The following UBASH3B variants were observed in gnomAD, a reference collection of about 807,000 sequenced individuals.
UBASH3B encodes ubiquitin associated and SH3 domain containing B.
Under a neutral mutation model 83.4 loss-of-function variants are expected in UBASH3B, and 37 were observed. The ratio of observed to expected loss-of-function variants is 0.44; its 90% CI spans 0.34 to 0.58. UBASH3B has a LOEUF of 0.58. UBASH3B is among the 20% of genes least tolerant of loss of function. UBASH3B has a pLI of 0.01. For synonymous variants in UBASH3B, 304 were observed against 318.3 expected, an observed-to-expected ratio of 0.96 and a Z score of 0.48; for missense variants, 657 against 827.2, an observed-to-expected ratio of 0.79 and a Z score of 2.52.
chr11:122,803,201 A>G (rs1048163591), intron 11 of UBASH3B, among the ~76,000 whole-genome samples: 1 of 152,194 alleles, frequency 6.6e-6, no homozygotes, highest in Admixed American at 6.5e-5. Context: ...TGAAGCCTCT[A>G]ATTTGAAAAA....
At chr11:122,751,485 C>T (rs377598833) in intron 1 of UBASH3B, among the ~76,000 whole-genome samples, 53 of 152,276 alleles carry the variant, frequency 3.5e-4, no homozygotes, top group South Asian at 8.3e-4. Flanking sequence ...GGCCAGCAGC[C>T]GGCTTCAGGG....
rs147102786 is a variant in UBASH3B at position 122,665,496 on chromosome 11, G to T, written c.161+9286G>T. On this transcript the variant is annotated intron_variant, in intron 1 of 13. Coordinates refer to ENST00000284273, the MANE Select transcript of UBASH3B (RefSeq NM_032873.5). ...GGCATGAGCCCCTGCGCCCAGCCTG[G>T]ACCAGTGTTTTTGGACAGCACGAGG... Among the ~76,000 whole-genome samples, 210 of 152,266 alleles carry T rather than the reference G, an allele frequency of 1.4e-3. 2 individuals carry two copies. The highest frequency in any genetic ancestry group is 9.8e-3 in the East Asian group (51 of 5,182).
chr11:122,690,199 T>TCTCCA (rs1374049597), intron 1 of UBASH3B, among the ~76,000 whole-genome samples: 3 of 28,508 alleles, frequency 1.1e-4, no homozygotes, highest in Non-Finnish European at 2.1e-4. Flanking sequence ...TATATATATA[T>TCTCCA]ATATATATAT....
chr11:122,714,043 G>A (rs1187298035), intron 1 of UBASH3B, among the ~76,000 whole-genome samples: 4 of 152,178 alleles, frequency 2.6e-5, no homozygotes, highest in East Asian at 1.9e-4. Flanking sequence ...GACACTTGCC[G>A]TGACCCCTCC....
chr11:122,809,558 C>T (rs1177545641), intron 13 of UBASH3B, among the ~76,000 whole-genome samples, 191 bp from the exon 14 acceptor site: 2 of 152,162 alleles, frequency 1.3e-5, no homozygotes, highest in African/African-American at 4.8e-5. Context: ...AATGTAAATA[C>T]TCTTCTAAGT....
chr11:122,735,488 T>C (rs1271118461), intron 1 of UBASH3B, among the ~76,000 whole-genome samples: 1 of 152,198 alleles, frequency 6.6e-6, no homozygotes, highest in African/African-American at 2.4e-5. Flanking sequence ...CCTCATTCCT[T>C]TAGTTATTAA....
chr11:122,683,762 TGTGTGTGTGTGTGTGA>T (rs1323714774), intron 1 of UBASH3B, among the ~76,000 whole-genome samples: 5 of 80,434 alleles, frequency 6.2e-5, no homozygotes, highest in African/African-American at 1.4e-4. Context: ...TGTGTGTGTG[TGTGTGTGTGTGTGTGA>T]GCCAGGTTTC....
chr11:122,734,735 C>T (rs1860904059), intron 1 of UBASH3B, among the ~76,000 whole-genome samples: 1 of 151,690 alleles, frequency 6.6e-6, no homozygotes, highest in Non-Finnish European at 1.5e-5. Context: ...TTTCCCCCCT[C>T]ATCAGATGTG....
chr11:122,660,480 G>A (rs1863424717), intron 1 of UBASH3B, among the ~76,000 whole-genome samples: 1 of 152,158 alleles, frequency 6.6e-6, no homozygotes, highest in African/African-American at 2.4e-5. Context: ...AATGTATTGG[G>A]GGCAAAGACC....
At chr11:122,664,197 G>C (rs1369826112) in intron 1 of UBASH3B, among the ~76,000 whole-genome samples, 1 of 152,144 alleles carries the variant, frequency 6.6e-6, no homozygotes, top group Non-Finnish European at 1.5e-5. Context: ...CGGGGCCTGA[G>C]AAAAAGCAGA....
intron 1 of UBASH3B, among the ~76,000 whole-genome samples, chr11:122,725,635 T>C: frequency 6.6e-6 from 1 of 152,190 alleles, no homozygotes; most frequent in Admixed American, 6.5e-5. Flanking sequence ...TTCCTGCAAA[T>C]GTAGCCTACT....
At chr11:122,768,694 C>T (rs888043835) in intron 1 of UBASH3B, among the ~76,000 whole-genome samples, 4 of 152,016 alleles carry the variant, frequency 2.6e-5, no homozygotes, top group African/African-American at 9.7e-5. Flanking sequence ...TTGGTAGAGA[C>T]AGGGTTTCAC....
intron 1 of UBASH3B, among the ~76,000 whole-genome samples, chr11:122,712,268 T>C (rs60097576): frequency 0.13 from 19,535 of 152,114 alleles, 1,406 homozygotes; most frequent in African/African-American, 0.18. Flanking sequence ...CGGATGCAGA[T>C]TGTACAGAAA....
At chr11:122,730,290 G>A (rs1860820400) in intron 1 of UBASH3B, among the ~76,000 whole-genome samples, 1 of 152,124 alleles carries the variant, frequency 6.6e-6, no homozygotes, top group African/African-American at 2.4e-5. Flanking sequence ...CAGGGTGTGG[G>A]TGACATCACA....
intron 1 of UBASH3B, 137 bp from the exon 2 acceptor site, chr11:122,776,082 T>C (rs1591808322): frequency 1.5e-6 from 1 of 675,378 alleles, no homozygotes; most frequent in East Asian, 3.0e-5. Context: ...GAAAACCTGC[T>C]GCAGGTGTCT....
At chr11:122,754,099 T>C (rs544409091) in intron 1 of UBASH3B, among the ~76,000 whole-genome samples, 1 of 145,640 alleles carries the variant, frequency 6.9e-6, no homozygotes, top group East Asian at 2.1e-4. Flanking sequence ...GGCTAGTGGT[T>C]AGCATTTTGG....
At chr11:122,748,063 AATCCTGCAAAAGGAGG>A (rs1199331580) in intron 1 of UBASH3B, among the ~76,000 whole-genome samples, 3 of 152,354 alleles carry the variant, frequency 2.0e-5, no homozygotes, top group Middle Eastern at 3.4e-3. Context: ...TCAGTCCCCC[AATCCTGCAAAAGGAGG>A]ATCCTGCAAA....
Position 122,777,114 on chromosome 11 carries a change from G to A in UBASH3B, c.306G>A (p.Gln102=). 1 of 1,614,122 alleles carries A rather than the reference G, an allele frequency of 6.2e-7. No individual in the cohort carries two copies. The highest frequency in any genetic ancestry group is 1.7e-5 in the Admixed American group (1 of 60,002). The change falls in exon 3 of 14, where the codon CAG becomes CAA. Residue 102 remains glutamine (Q), a synonymous_variant. Coordinates refer to ENST00000284273, the MANE Select transcript of UBASH3B (RefSeq NM_032873.5). ...TCCGTCCCACCGGCCCCTTAGCACA[G>A]AAGCTTTCCGACTTTTGGCAGCAGT... is the stretch of plus-strand genomic sequence containing the variant. ...LYLRPTGPLA[Q]KLSDFWQQSK... is the part of the protein sequence containing the mutation.
rs1192016789 is a variant in UBASH3B, at chr11:122,814,392, T to C, written c.*4506T>C. The stretch of plus-strand genomic sequence containing the variant: ...CCCTGTTGATACAGCTATGGCACCA[T>C]TGTAATTACAGATGCACCTTTCAGG... On this transcript the variant is annotated 3_prime_UTR_variant, in exon 14 of 14. Transcript: ENST00000284273. 1 of 152,662 alleles carries C rather than the reference T, an allele frequency of 6.6e-6. No individual in the cohort carries two copies. The highest frequency in any genetic ancestry group is 1.5e-5 in the Non-Finnish European group (1 of 68,044). The allele number at this position is 152,662 out of a possible 1,614,324, so 9.5% of individuals were successfully genotyped here. A position where few individuals can be genotyped will look rare whatever the true frequency, so the allele number is the denominator to read the frequency against.
Sources: allele counts gnomAD v4.1 joint callset (sites outside exome capture counted in the v4.1 genomes callset), GRCh38; gene constraint gnomAD v4.1.1; transcripts MANE v1.5; gene names NCBI Gene and HGNC (gene_info 2026-07-23, HGNC 2026-07-21).